Variants in ATXN1 observed in about 807,000 individuals in gnomAD.
The protein encoded by ATXN1 is ataxin-1.
A neutral mutation model predicts 56.4 loss-of-function variants in ATXN1; 8 were observed. The observed-to-expected ratio is 0.14, with a 90% CI of 0.08 to 0.26. ATXN1 has a LOEUF of 0.26. ATXN1 is among the 10% of genes least tolerant of loss of function. The pLI is 1.00. For synonymous variants in ATXN1, 514 were observed against 494.6 expected, an observed-to-expected ratio of 1.04 and a Z score of -0.52; for missense variants, 987 against 1,106.5, an observed-to-expected ratio of 0.89 and a Z score of 1.53.
chr6:16,665,214 C>T (rs914281993), intron 2 of ATXN1, among the ~76,000 whole-genome samples: 9 of 152,122 alleles, frequency 5.9e-5, no homozygotes, highest in African/African-American at 1.9e-4. Flanking sequence ...GGGAGCAGCA[C>T]CATGGAATCT....
At chr6:16,665,996 T>C (rs892077342) in intron 2 of ATXN1, among the ~76,000 whole-genome samples, 1 of 152,180 alleles carries the variant, frequency 6.6e-6, no homozygotes, top group African/African-American at 2.4e-5. Flanking sequence ...ACATTCCAAA[T>C]TCATTCCTCT....
At position 16,306,769 on chromosome 6, in the gene ATXN1, C is replaced by T. The variant is rs1199103026; in HGVS notation, c.2008G>A (p.Asp670Asn). 1 of 1,613,972 alleles carries T rather than the reference C, an allele frequency of 6.2e-7. No individual in the cohort carries two copies. The highest frequency in any genetic ancestry group is 1.3e-5 in the African/African-American group (1 of 74,914). Residue 670 changes from aspartate to asparagine, a missense_variant, in exon 8 of 8, where the codon GAT becomes AAT. Asp to Asn is a conservative substitution (Grantham distance 23). Transcript: ENST00000436367. This position sits in a 1 kb window ranked among gnomAD's most constrained non-coding sequence, Gnocchi z 5.2. ...CCPERTSQLF[D>N]LPCSKLSVGD... ...ACTGAGAGTTTGGAACACGGCAAAT[C>T]AAAGAGCTGGCTGGTTCTCTCCGGA... is the stretch of plus-strand genomic sequence containing the variant.
chr6:16,610,577 G>C (rs1009485486), intron 3 of ATXN1, among the ~76,000 whole-genome samples: 25 of 151,876 alleles, frequency 1.6e-4, no homozygotes, highest in Non-Finnish European at 3.7e-4. Flanking sequence ...TAAGGTATGA[G>C]AGTTAAAAAA....
intron 6 of ATXN1, among the ~76,000 whole-genome samples, chr6:16,329,857 A>C (rs956912169): frequency 2.0e-5 from 3 of 152,222 alleles, no homozygotes; most frequent in African/African-American, 7.2e-5. Context: ...TGTGTGGGCA[A>C]ACCAATGCCC....
chr6:16,647,251 C>G (rs1374576688), intron 3 of ATXN1, among the ~76,000 whole-genome samples: 1 of 152,170 alleles, frequency 6.6e-6, no homozygotes, highest in Non-Finnish European at 1.5e-5. Context: ...ATCCACCCAC[C>G]ATGGCCTCCC....
chr6:16,335,313 A>G (rs9370888), intron 6 of ATXN1, among the ~76,000 whole-genome samples: 19,015 of 152,234 alleles, frequency 0.12, 1,819 homozygotes, highest in East Asian at 0.43. Context: ...CCCTGTCTAG[A>G]GACATCCAGG....
intron 3 of ATXN1, among the ~76,000 whole-genome samples, chr6:16,619,469 G>T (rs745313569): frequency 2.0e-5 from 3 of 152,156 alleles, no homozygotes; most frequent in Non-Finnish European, 4.4e-5. Flanking sequence ...AGATCACACT[G>T]TGTGGGCTTG....
rs1230203357 is a variant in ATXN1, at chr6:16,306,371, C to T, written c.2406G>A (p.Glu802=). ...TLPKPSLIPQ[E]VKICIEGRSN... is the part of the protein sequence containing the mutation. The stretch of plus-strand genomic sequence containing the variant: ...ACCGGCCTTCAATGCAAATCTTAAC[C>T]TCCTGAGGAATTAGAGAAGGCTTAG... Residue 802 remains glutamate, a synonymous_variant, in exon 8 of 8, where the codon GAG becomes GAA. Coordinates refer to ENST00000436367, the MANE Select transcript of ATXN1 (RefSeq NM_001128164.2). The surrounding 1 kb of genome is among the most constrained non-coding windows in gnomAD (Gnocchi z 5.2). The T allele has an allele frequency of 2.5e-6, 4 of 1,613,606 alleles. No individual in the cohort carries two copies. The highest frequency in any genetic ancestry group is 3.4e-6 in the Non-Finnish European group (4 of 1,179,856).
chr6:16,761,044 G>A, intron 1 of ATXN1: 1 of 180,666 alleles, frequency 5.5e-6, no homozygotes, highest in South Asian at 7.6e-5. Flanking sequence ...CTGGAGCCGG[G>A]GACGGTTGTA....
In ATXN1 at chr6:16,304,676, G is replaced by A. The variant is rs1760199515; in HGVS notation, c.*1653C>T. On this transcript the variant is annotated 3_prime_UTR_variant, in exon 8 of 8. Transcript: ENST00000436367. Reference sequence around the variant, plus strand: ...ACCTTATAAAATGGCCTAGAGTTTAGGCAGGTTAGAAAGAAATTTTGCTAC... The same window carrying A: ...ACCTTATAAAATGGCCTAGAGTTTAAGCAGGTTAGAAAGAAATTTTGCTAC... 1 of 152,588 alleles carries A rather than the reference G, an allele frequency of 6.6e-6. No individual in the cohort carries two copies. The highest frequency in any genetic ancestry group is 1.5e-5 in the Non-Finnish European group (1 of 68,026). 9.5% of individuals were successfully genotyped at this position (152,588 alleles called of 1,614,324 possible).
intron 6 of ATXN1, among the ~76,000 whole-genome samples, chr6:16,355,317 G>A (rs1027472754): frequency 2.6e-5 from 4 of 152,150 alleles, no homozygotes; most frequent in Non-Finnish European, 4.4e-5. Context: ...CCAATTTTAC[G>A]GAAAACTGCA....
At chr6:16,594,577 G>A (rs769764859) in intron 3 of ATXN1, among the ~76,000 whole-genome samples, 1 of 151,608 alleles carries the variant, frequency 6.6e-6, no homozygotes, top group Non-Finnish European at 1.5e-5. Flanking sequence ...CCACCTCCTG[G>A]GTTCAAGTGA....
At chr6:16,674,516 ATT>A (rs557068608) in intron 2 of ATXN1, among the ~76,000 whole-genome samples, 6 of 138,380 alleles carry the variant, frequency 4.3e-5, no homozygotes, top group Admixed American at 7.2e-5. Flanking sequence ...CGCCCAGCTA[ATT>A]TTTTTTTTTT....
chr6:16,536,099 C>T (rs1212772719), intron 4 of ATXN1, among the ~76,000 whole-genome samples: 1 of 152,018 alleles, frequency 6.6e-6, no homozygotes, highest in East Asian at 1.9e-4. Flanking sequence ...TGCCTGTAGT[C>T]CCAGCTACTC....
rs1363328930 is a variant in ATXN1, at chr6:16,303,718, AATT to A, written c.*2608_*2610del. The A allele has an allele frequency of 6.6e-6, 1 of 152,638 alleles. No individual in the cohort carries two copies. The highest frequency in any genetic ancestry group is 1.5e-5 in the Non-Finnish European group (1 of 68,038). 9.5% of individuals were successfully genotyped at this position (152,638 alleles called of 1,614,324 possible). A position where few individuals can be genotyped will look rare whatever the true frequency, so the allele number is the denominator to read the frequency against. ...TAGTGTTGGTTTAGTGGATCCAGTC[AATT>A]CAATACTCGAAGTAAGCCAAAAGGT... On this transcript the variant is annotated 3_prime_UTR_variant, in exon 8 of 8. Coordinates refer to ENST00000436367, the MANE Select transcript of ATXN1 (RefSeq NM_001128164.2). This position sits in a 1 kb window ranked among gnomAD's most constrained non-coding sequence, Gnocchi z 4.3.
At chr6:16,382,887 G>A (rs1758159505) in intron 6 of ATXN1, among the ~76,000 whole-genome samples, 1 of 151,376 alleles carries the variant, frequency 6.6e-6, no homozygotes, top group Non-Finnish European at 1.5e-5. Flanking sequence ...AGGCCTGGAT[G>A]GCAGAGGTGA....
chr6:16,556,538 A>G (rs1561753467), intron 4 of ATXN1, among the ~76,000 whole-genome samples: 1 of 152,238 alleles, frequency 6.6e-6, no homozygotes, highest in Non-Finnish European at 1.5e-5. Context: ...GAACTAACAC[A>G]GCATACTTTA....
At chr6:16,344,219 C>T (rs750474926) in intron 6 of ATXN1, among the ~76,000 whole-genome samples, 8 of 152,234 alleles carry the variant, frequency 5.3e-5, no homozygotes, top group South Asian at 2.1e-4. Flanking sequence ...CGTTCAGGAA[C>T]CGTTTCCTCG....
intron 2 of ATXN1, among the ~76,000 whole-genome samples, chr6:16,701,971 T>A (rs1351586155): frequency 6.6e-6 from 1 of 152,166 alleles, no homozygotes; most frequent in Admixed American, 6.5e-5. Context: ...CTTCACAGAA[T>A]TGGAAAAAAC....
Sources: allele counts gnomAD v4.1 joint callset (sites outside exome capture counted in the v4.1 genomes callset), GRCh38; gene constraint gnomAD v4.1.1; non-coding constraint Gnocchi (gnomAD v3.1); transcripts MANE v1.5; gene names NCBI Gene and HGNC (gene_info 2026-07-23, HGNC 2026-07-21).